Variants in MAP1A observed in about 807,000 individuals in gnomAD.
The protein encoded by MAP1A is microtubule associated protein 1A.
Under a neutral mutation model 185.9 loss-of-function variants are expected in MAP1A, and 42 were observed. The observed-to-expected ratio is 0.23, with a 90% confidence interval of 0.18 to 0.29. The LOEUF (loss-of-function observed/expected upper bound fraction) is 0.29. Among genes scored for constraint, MAP1A ranks in the 10% least tolerant of loss-of-function variants. The pLI is 1.00. For synonymous variants in MAP1A, 1,229 were observed against 1,335.9 expected (o/e 0.92, Z 1.74); for missense variants, 2,995 against 3,450.4 (o/e 0.87, Z 3.31).
chr15:43,525,550 A>G lies in MAP1A; in HGVS notation c.4077A>G (p.Glu1359=). Residue 1359 remains glutamate, a synonymous_variant, in exon 4 of 6, where the codon GAA becomes GAG. Transcript: ENST00000300231. ...ACAGAACCTCAGAACAGAAGAAGGA[A>G]CCTGAGCCAAAGGATGAAGTTTTAC... The part of the protein sequence containing the change: ...LKDRTSEQKK[E]PEPKDEVLQQ... 2 of 1,614,228 alleles carry G rather than the reference A, an allele frequency of 1.2e-6. No homozygotes were observed. Among genetic ancestry groups the G allele is most frequent in the South Asian group, 2.2e-5 (2 of 91,088 alleles).
rs2079365716 is a variant in MAP1A at position 43,530,057 on chromosome 15, T to C, written c.8257-12T>C. The C allele has an allele frequency of 3.1e-6, 5 of 1,613,760 alleles. No individual in the cohort carries two copies. Among genetic ancestry groups the C allele is most frequent in the Non-Finnish European group, 4.2e-6 (5 of 1,179,744 alleles). On this transcript the variant is annotated splice_polypyrimidine_tract_variant and intron_variant, in intron 5 of 5. Transcript: ENST00000300231. ...ATGTTCTCACATCAGACATATCTTA[T>C]CTCCCTTCTAGGTGACTCTGATCCC...
chr15:43,520,248 G>A (rs1313863041), intron 1 of MAP1A, among the ~76,000 whole-genome samples: 1 of 152,162 alleles, frequency 6.6e-6, no homozygotes, highest in Non-Finnish European at 1.5e-5. Flanking sequence ...AGGGAAGTGA[G>A]GGTCATCATC....
rs2140209843 is a variant in MAP1A at position 43,527,427 on chromosome 15, C to A, written c.5954C>A (p.Thr1985Asn). The change falls in exon 4 of 6, where the codon ACT (threonine) becomes AAT (asparagine). Residue 1985 changes from threonine to asparagine, a missense_variant. Physicochemically the swap from Thr to Asn is moderately conservative, Grantham distance 65. Around this residue, in one of 3 missense-constraint regions of MAP1A, gnomAD observed 2,728 missense variants for 2,986.0 expected, o/e 0.91. Transcript: ENST00000300231. ...MLTGLGPACP[T>N]REPPLGAAGD... ...ACTGGGCTTGGCCCTGCATGCCCCA[C>A]TAGAGAGCCTCCACTTGGAGCAGCT... 1 of 1,614,194 alleles carries A rather than the reference C, an allele frequency of 6.2e-7. No individual in the cohort carries two copies. Among genetic ancestry groups the A allele is most frequent in the East Asian group, 2.2e-5 (1 of 44,890 alleles).
At position 43,526,649 on chromosome 15, in the gene MAP1A, G is replaced by T. The variant is rs1457540179; in HGVS notation, c.5176G>T (p.Glu1726Ter). The change falls in exon 4 of 6, where the codon GAA becomes TAA. Residue 1726 changes from glutamate to a stop codon, truncating the protein, a stop_gained. Coordinates refer to ENST00000300231, the MANE Select transcript of MAP1A (RefSeq NM_002373.6). LOFTEE classifies it high-confidence loss of function. This position sits in a 1 kb window ranked among gnomAD's most constrained non-coding sequence, Gnocchi z 4.7. ...GARPHYTEER[E>*]STFLDEGPDD... ...CCGCCCACACTACACTGAGGAACGG[G>T]AAAGCACTTTCCTAGATGAGGGCCC... 1 of 1,614,060 alleles carries T rather than the reference G, an allele frequency of 6.2e-7. No individual in the cohort carries two copies. The highest frequency in any genetic ancestry group is 1.7e-5 in the Admixed American group (1 of 59,966).
chr15:43,526,915 A>G lies in MAP1A; in HGVS notation c.5442A>G (p.Pro1814=), dbSNP rs748287074. The part of the protein sequence containing the change: ...EMVGQRVPSA[P]GQESPIPDPK... ...TTGGACAAAGGGTTCCTTCAGCCCC[A>G]GGACAAGAGAGTCCTATCCCAGACC... Residue 1814 remains proline, a synonymous_variant, in exon 4 of 6, where the codon CCA becomes CCG. Transcript: ENST00000300231. This position sits in a 1 kb window ranked among gnomAD's most constrained non-coding sequence, Gnocchi z 4.7. The G allele has an allele frequency of 3.1e-6, 5 of 1,614,090 alleles. No individual in the cohort carries two copies. The East Asian group carries it at 8.9e-5, about 29-fold the overall frequency.
chr15:43,520,831 G>C (rs765207086), intron 2 of MAP1A, 108 bp downstream of exon 2: 18 of 1,310,046 alleles, frequency 1.4e-5, no homozygotes, highest in East Asian at 2.5e-5. Flanking sequence ...TGCCATCTAA[G>C]CTGACGTATT....
Position 43,529,898 on chromosome 15 carries a change from A to T in MAP1A, c.8256+28A>T, listed in dbSNP as rs371646413. On this transcript the variant is annotated intron_variant, in intron 5 of 5. Coordinates refer to ENST00000300231, the MANE Select transcript of MAP1A (RefSeq NM_002373.6). The surrounding 1 kb of genome is among the most constrained non-coding windows in gnomAD (Gnocchi z 4.3). ...GAGTAGCAAAGGACACCAAGGAAGT[A>T]GTCTGGTCAACGCTCACTCAGAGGC... The T allele has an allele frequency of 6.2e-7, 1 of 1,604,646 alleles. No homozygotes were observed. Among genetic ancestry groups the T allele is most frequent in the African/African-American group, 1.3e-5 (1 of 74,748 alleles).
At position 43,523,239 on chromosome 15, in the gene MAP1A, T is replaced by G. The variant is rs769299740; in HGVS notation, c.1766T>G (p.Val589Gly). The change falls in exon 4 of 6, where the codon GTG (valine) becomes GGG (glycine). Residue 589 changes from valine (V) to glycine (G), a missense_variant. This residue lies in a region of MAP1A where 2,728 missense variants were observed against 2,986.0 expected (regional missense o/e 0.91). Transcript: ENST00000300231. ...SVPGLGQEEH[V>G]MKEKELVPEV... ...CCAGGGCTGGGACAAGAAGAACATG[T>G]GATGAAGGAGAAAGAGCTTGTCCCA... The G allele has an allele frequency of 6.2e-7, 1 of 1,613,334 alleles. No homozygotes were observed. The highest frequency in any genetic ancestry group is 2.2e-5 in the East Asian group (1 of 44,854).
At chr15:43,520,564 G>C in intron 1 of MAP1A, 77 bp from the exon 2 acceptor site, 3 of 963,128 alleles carry the variant, frequency 3.1e-6, no homozygotes, top group Non-Finnish European at 4.8e-6. Flanking sequence ...CCCATTTCCT[G>C]ATAGCACATT....
At chr15:43,517,160 C>T (rs982681847), upstream of MAP1A, among the ~76,000 whole-genome samples, 8 of 152,138 alleles carry the variant, frequency 5.3e-5, no homozygotes, top group Admixed American at 3.3e-4. Context: ...AAGCAGTTCC[C>T]CACACCTACC....
At position 43,518,316 on chromosome 15, in the gene MAP1A, C is replaced by G. The variant is rs550633369; in HGVS notation, c.-375+616C>G. ...GCTTTAGAATGGGACTCTAAACCCCCCTTTCTGGCCCTGCCGAGGCCACTC... is the reference window on the plus strand; with the variant it reads ...GCTTTAGAATGGGACTCTAAACCCCGCTTTCTGGCCCTGCCGAGGCCACTC... On this transcript the variant is annotated intron_variant, in intron 1 of 5. Coordinates refer to ENST00000300231, the MANE Select transcript of MAP1A (RefSeq NM_002373.6). Among the ~76,000 whole-genome samples the G allele has an allele frequency of 5.3e-5, 8 of 152,222 alleles. No individual in the cohort carries two copies. In the East Asian group the frequency reaches 5.8e-4, roughly 11 times the overall value.
rs745803220 is a variant in MAP1A, at chr15:43,525,642, A to G, written c.4169A>G (p.Lys1390Arg). 1 of 1,614,230 alleles carries G rather than the reference A, an allele frequency of 6.2e-7. No homozygotes were observed. The highest frequency in any genetic ancestry group is 1.1e-5 in the South Asian group (1 of 91,088). ...CCGAAGGATACAGCCATCTATCAGA[A>G]AGATGAGGCTCTGCATGTAAAGAAT... ...VEPKDTAIYQ[K>R]DEALHVKNEA... Residue 1390 changes from lysine to arginine, a missense_variant, in exon 4 of 6, where the codon AAA becomes AGA. This residue lies in a region of MAP1A where 2,728 missense variants were observed against 2,986.0 expected (regional missense o/e 0.91). Transcript: ENST00000300231.
Position 43,523,022 on chromosome 15 carries a change from A to T in MAP1A, c.1549A>T (p.Ile517Phe). The change falls in exon 4 of 6, where the codon ATC (isoleucine) becomes TTC (phenylalanine). Residue 517 changes from isoleucine to phenylalanine, a missense_variant. By Grantham distance (21) the Ile-to-Phe change is conservative. Coordinates refer to ENST00000300231, the MANE Select transcript of MAP1A (RefSeq NM_002373.6). The stretch of plus-strand genomic sequence containing the variant: ...GAAGGGAACTGTACCACTCCCAACC[A>T]TCAGTGGGCACAGGGAGCTGGTCCT... Reference protein sequence around the residue: ...AQKGTVPLPTISGHRELVLSS... With the variant: ...AQKGTVPLPTFSGHRELVLSS... 6.2e-7 allele frequency: 1 copy of T among 1,614,228 alleles called. No homozygotes were observed. The highest frequency in any genetic ancestry group is 1.1e-5 in the South Asian group (1 of 91,088).
chr15:43,524,798 A>C lies in MAP1A; in HGVS notation c.3325A>C (p.Thr1109Pro). Residue 1109 changes from threonine to proline, a missense_variant, in exon 4 of 6, where the codon ACA becomes CCA. This residue lies in a region of MAP1A where 2,728 missense variants were observed against 2,986.0 expected (regional missense o/e 0.91). Transcript: ENST00000300231. ...TGAGATTATGGAGGCAGGAGAGCCCACAGGCCCAATTCTGGGAGCAGAAGC... is the reference window on the plus strand; with the variant it reads ...TGAGATTATGGAGGCAGGAGAGCCCCCAGGCCCAATTCTGGGAGCAGAAGC... ...VFEIMEAGEP[T>P]GPILGAEALP... The C allele has an allele frequency of 6.2e-7, 1 of 1,614,194 alleles. No individual in the cohort carries two copies. Among genetic ancestry groups the C allele is most frequent in the Non-Finnish European group, 8.5e-7 (1 of 1,180,026 alleles).
chr15:43,530,447 G>A lies in MAP1A; in HGVS notation c.*223G>A. ...AGTTAACAGGGAGAGGATGGGGGAG[G>A]GGACAAATTAGAATAGGATAGCATC... On this transcript the variant is annotated 3_prime_UTR_variant, in exon 6 of 6. Coordinates refer to ENST00000300231, the MANE Select transcript of MAP1A (RefSeq NM_002373.6). 1 of 576,844 alleles carries A rather than the reference G, an allele frequency of 1.7e-6. No individual in the cohort carries two copies. The highest frequency in any genetic ancestry group is 3.1e-6 in the Non-Finnish European group (1 of 325,614). The allele number at this position is 576,844 out of a possible 1,614,324, so 35.7% of individuals were successfully genotyped here. A position where few individuals can be genotyped will look rare whatever the true frequency, so the allele number is the denominator to read the frequency against.
Position 43,521,432 on chromosome 15 carries a change from A to G in MAP1A, c.-42A>G, listed in dbSNP as rs777570596. On this transcript the variant is annotated 5_prime_UTR_variant, in exon 4 of 6. Coordinates refer to ENST00000300231, the MANE Select transcript of MAP1A (RefSeq NM_002373.6). This position sits in a 1 kb window ranked among gnomAD's most constrained non-coding sequence, Gnocchi z 4.6. ...CCTGGGATTATCCAGTTCCCAAGAG[A>G]CCCTGCACCTCCGGCTAAACCCTGA... is the stretch of plus-strand genomic sequence containing the variant. 4.2e-5 allele frequency: 68 copies of G among 1,613,714 alleles called. No individual in the cohort carries two copies. The highest frequency in any genetic ancestry group is 5.6e-5 in the Non-Finnish European group (66 of 1,179,966).
In MAP1A at chr15:43,524,155, C is replaced by T. The variant is rs1400446734; in HGVS notation, c.2682C>T (p.Thr894=). 4 of 1,614,162 alleles carry T rather than the reference C, an allele frequency of 2.5e-6. No homozygotes were observed. Among genetic ancestry groups the T allele is most frequent in the Non-Finnish European group, 2.5e-6 (3 of 1,180,024 alleles). ...QGLDYVPSAG[T]ISPTSSLEED... ...TGGACTATGTGCCATCAGCTGGTACCATCTCACCCACCTCCTCACTGGAAG... is the reference window on the plus strand; with the variant it reads ...TGGACTATGTGCCATCAGCTGGTACTATCTCACCCACCTCCTCACTGGAAG... Residue 894 remains threonine (T), a synonymous_variant, in exon 4 of 6, where the codon ACC becomes ACT. Coordinates refer to ENST00000300231, the MANE Select transcript of MAP1A (RefSeq NM_002373.6).
Position 43,528,374 on chromosome 15 carries a change from T to C in MAP1A, c.6901T>C (p.Trp2301Arg). The C allele has an allele frequency of 1.2e-6, 2 of 1,613,950 alleles. No individual in the cohort carries two copies. Among genetic ancestry groups the C allele is most frequent in the Non-Finnish European group, 1.7e-6 (2 of 1,180,014 alleles). The change falls in exon 4 of 6, where the codon TGG (tryptophan) becomes CGG (arginine). Residue 2301 changes from tryptophan to arginine, a missense_variant. Trp to Arg is a moderately radical substitution (Grantham distance 101). Around this residue, in one of 3 missense-constraint regions of MAP1A, gnomAD observed 2,728 missense variants for 2,986.0 expected, o/e 0.91. Transcript: ENST00000300231. ...AATGGAACCAGCTGCCCACAGCCTC[T>C]GGGACCTCACTCCTCTGAGCCCAGC... ...PGMEPAAHSL[W>R]DLTPLSPAPP...
In MAP1A at chr15:43,528,209, A is replaced by T. The variant is rs2079354531; in HGVS notation, c.6736A>T (p.Asn2246Tyr). ...TTCTCCTGGGGCCCCTCTCCTCTCC[A>T]ATCTGCCACGACCTGCCTCACCAGC... ...PSSPGAPLLS[N>Y]LPRPASPALS... The change falls in exon 4 of 6, where the codon AAT becomes TAT. Residue 2246 changes from asparagine (N) to tyrosine (Y), a missense_variant. Transcript: ENST00000300231. The T allele has an allele frequency of 6.2e-7, 1 of 1,613,596 alleles. No individual in the cohort carries two copies. The highest frequency in any genetic ancestry group is 1.7e-5 in the Admixed American group (1 of 59,978).
Sources: allele counts gnomAD v4.1 joint callset (sites outside exome capture counted in the v4.1 genomes callset), GRCh38; gene constraint gnomAD v4.1.1; regional missense constraint gnomAD v4.1.1; non-coding constraint Gnocchi (gnomAD v3.1); transcripts MANE v1.5; gene names NCBI Gene and HGNC (gene_info 2026-07-23, HGNC 2026-07-21).